Variants in DROSHA observed in about 807,000 individuals in gnomAD.
DROSHA encodes the protein drosha ribonuclease III, also known as ribonuclease 3.
A neutral mutation model predicts 181.9 loss-of-function variants in DROSHA; 56 were observed. That is an observed-to-expected ratio of 0.31 (90% CI 0.25 to 0.38). The LOEUF is 0.38. Among genes scored for constraint, DROSHA ranks in the 10% least tolerant of loss-of-function variants. DROSHA has a pLI of 1.00. For missense variants in DROSHA, 1,218 were observed against 1,743.5 expected (o/e 0.70, Z 5.37); for synonymous variants, 524 against 591.2 (o/e 0.89, Z 1.65).
intron 14 of DROSHA, among the ~76,000 whole-genome samples, chr5:31,486,118 A>G (rs1380268134): frequency 2.6e-5 from 4 of 152,238 alleles, no homozygotes; most frequent in Admixed American, 2.0e-4. Flanking sequence ...TGATCTTGTC[A>G]TTGGAGATAA....
chr5:31,502,025 A>C (rs1753627539), intron 11 of DROSHA, among the ~76,000 whole-genome samples: 1 of 152,270 alleles, frequency 6.6e-6, no homozygotes, highest in Admixed American at 6.5e-5. Flanking sequence ...GGGAATGCCA[A>C]GACATCCCCT....
chr5:31,482,047 A>G (rs1751088007), intron 16 of DROSHA, among the ~76,000 whole-genome samples: 1 of 152,184 alleles, frequency 6.6e-6, no homozygotes, highest in Non-Finnish European at 1.5e-5. Flanking sequence ...CATGAGGGAG[A>G]CAAGGGCTCC....
At chr5:31,446,500 A>G (rs1048267063) in intron 23 of DROSHA, among the ~76,000 whole-genome samples, 3 of 151,494 alleles carry the variant, frequency 2.0e-5, no homozygotes, top group Admixed American at 6.6e-5. Flanking sequence ...AAAGAATAAC[A>G]TACTTCAGAA....
chr5:31,498,794 T>C (rs549287538), intron 11 of DROSHA, among the ~76,000 whole-genome samples: 1 of 151,910 alleles, frequency 6.6e-6, no homozygotes, highest in South Asian at 2.1e-4. Context: ...GAGGTGGAGA[T>C]TGCGGTGAGC....
At position 31,526,583 on chromosome 5, in the gene DROSHA, AAAC is replaced by A; in HGVS notation, c.347_349del (p.Cys116del). On this transcript the variant is annotated inframe_deletion, in exon 5 of 36. Coordinates refer to ENST00000344624, the MANE Select transcript of DROSHA (RefSeq NM_001382508.1). Reference sequence around the variant, plus strand: ...AGGCATTGGTGGTGGCATGGGAGGAAAACAAGGAGGAACTGGGAAGGGGTGCCT... The same window carrying A: ...AGGCATTGGTGGTGGCATGGGAGGAAAAGGAGGAACTGGGAAGGGGTGCCT... The A allele has an allele frequency of 1.3e-6, 2 of 1,525,532 alleles. No homozygotes were observed. The highest frequency in any genetic ancestry group is 1.8e-6 in the Non-Finnish European group (2 of 1,138,726). The allele number at this position is 1,525,532 out of a possible 1,614,324, so 94.5% of individuals were successfully genotyped here.
chr5:31,526,648 G>A lies in DROSHA; in HGVS notation c.285C>T (p.Pro95=). The change falls in exon 5 of 36, where the codon CCC becomes CCT. Residue 95 remains proline (P), a synonymous_variant. Transcript: ENST00000344624. ...MPPSAQGPLP[P]CPIRPPFPNH... is the part of the protein sequence containing the mutation. ...TGGGGAAAGGCGGCCTGATTGGGCAGGGGGGAAGAGGGCCTTGCGCTGACG... is the reference window on the plus strand; with the variant it reads ...TGGGGAAAGGCGGCCTGATTGGGCAAGGGGGAAGAGGGCCTTGCGCTGACG... 6.6e-7 allele frequency: 1 copy of A among 1,520,334 alleles called. No individual in the cohort carries two copies. The highest frequency in any genetic ancestry group is 8.8e-7 in the Non-Finnish European group (1 of 1,136,612). The allele number at this position is 1,520,334 out of a possible 1,614,324, so 94.2% of individuals were successfully genotyped here.
chr5:31,450,742 AG>A (rs1746884622), intron 21 of DROSHA, among the ~76,000 whole-genome samples: 1 of 152,152 alleles, frequency 6.6e-6, no homozygotes, highest in African/African-American at 2.4e-5. Context: ...TACACTACTC[AG>A]GTGACAGGTA....
At chr5:31,402,998 G>C (rs948524755) in intron 35 of DROSHA, among the ~76,000 whole-genome samples, 2 of 152,074 alleles carry the variant, frequency 1.3e-5, no homozygotes, top group Non-Finnish European at 2.9e-5. Flanking sequence ...GGCCAGGCTG[G>C]TCTCAAACTC....
intron 28 of DROSHA, among the ~76,000 whole-genome samples, chr5:31,424,003 T>C (rs1393123346): frequency 6.6e-6 from 1 of 152,234 alleles, no homozygotes; most frequent in Non-Finnish European, 1.5e-5. Context: ...GATTAGATCA[T>C]ACGTTAACAA....
Position 31,526,082 on chromosome 5 carries a change from C to G in DROSHA, c.851G>C (p.Ser284Thr), listed in dbSNP as rs1740511238. 6.3e-7 allele frequency: 1 copy of G among 1,583,552 alleles called. No individual in the cohort carries two copies. Among genetic ancestry groups the G allele is most frequent in the African/African-American group, 1.3e-5 (1 of 74,398 alleles). Residue 284 changes from serine (S) to threonine (T), a missense_variant, in exon 5 of 36, where the codon AGC becomes ACC. By Grantham distance (58) the Ser-to-Thr change is moderately conservative. Coordinates refer to ENST00000344624, the MANE Select transcript of DROSHA (RefSeq NM_001382508.1). ...GAACTACACACAAGCGGTTTACCTG[C>G]TCCGTTCGTAGCTGCGGTGGCGAGA... is the stretch of plus-strand genomic sequence containing the variant. ...TPSRHRSYER[S>T]RERERERHRH...
chr5:31,494,799 C>T (rs1047611962), intron 12 of DROSHA, among the ~76,000 whole-genome samples: 13 of 151,834 alleles, frequency 8.6e-5, no homozygotes, highest in South Asian at 4.2e-4. Context: ...CTCAGCCTCC[C>T]GAGTAGCTGG....
intron 5 of DROSHA, among the ~76,000 whole-genome samples, chr5:31,521,769 A>G (rs2150061019): frequency 6.6e-6 from 1 of 152,300 alleles, no homozygotes; most frequent in East Asian, 1.9e-4. Context: ...CTGGAAAAAA[A>G]ACTAAATAGA....
At chr5:31,471,979 AT>A in intron 17 of DROSHA, 83 bp downstream of exon 17, 1 of 1,346,210 alleles carries the variant, frequency 7.4e-7, no homozygotes, top group Non-Finnish European at 9.8e-7. Flanking sequence ...AACTTTTAAA[AT>A]GTGCTGTTAC....
chr5:31,446,247 C>T (rs976577210), intron 23 of DROSHA, among the ~76,000 whole-genome samples: 1 of 151,552 alleles, frequency 6.6e-6, no homozygotes, highest in Admixed American at 6.6e-5. Context: ...GACATCAAGA[C>T]CACCCTGGTT....
In DROSHA at chr5:31,400,852, G is replaced by A. The variant is rs1291663187; in HGVS notation, c.*580C>T. 6.4e-6 allele frequency: 1 copy of A among 155,454 alleles called. No individual in the cohort carries two copies. The highest frequency in any genetic ancestry group is 1.4e-5 in the Non-Finnish European group (1 of 70,414). 9.6% of individuals were successfully genotyped at this position (155,454 alleles called of 1,614,324 possible). A position where few individuals can be genotyped will look rare whatever the true frequency, so the allele number is the denominator to read the frequency against. On this transcript the variant is annotated 3_prime_UTR_variant, in exon 36 of 36. Coordinates refer to ENST00000344624, the MANE Select transcript of DROSHA (RefSeq NM_001382508.1). ...TTCTAATGATTCAAAGAATCTGTAT[G>A]ACTTGAATATCAGTCTTTCCCCTTC...
intron 17 of DROSHA, among the ~76,000 whole-genome samples, chr5:31,468,532 G>T (rs1695634771): frequency 6.6e-6 from 1 of 152,164 alleles, no homozygotes; most frequent in Non-Finnish European, 1.5e-5. Flanking sequence ...AAGTTAGAAA[G>T]TATAGTGGTG....
intron 11 of DROSHA, among the ~76,000 whole-genome samples, chr5:31,496,691 C>T (rs1753021991): frequency 6.6e-6 from 1 of 152,214 alleles, no homozygotes; most frequent in Non-Finnish European, 1.5e-5. Context: ...ATGCCCACAG[C>T]CCCATCAAGT....
At chr5:31,499,501 T>C (rs1753347455) in intron 11 of DROSHA, among the ~76,000 whole-genome samples, 1 of 152,092 alleles carries the variant, frequency 6.6e-6, no homozygotes, top group African/African-American at 2.4e-5. Flanking sequence ...AACTAAACTT[T>C]AAAGATGGTG....
intron 35 of DROSHA, among the ~76,000 whole-genome samples, chr5:31,403,023 C>T (rs1300743832): frequency 2.0e-5 from 3 of 152,142 alleles, no homozygotes; most frequent in Non-Finnish European, 4.4e-5. Flanking sequence ...CCTCCTGCCT[C>T]GGCCTCCCAA....
Sources: gnomAD v4.1 joint callset for allele counts (sites outside exome capture counted in the v4.1 genomes callset) on GRCh38, gnomAD v4.1.1 for gene constraint, MANE v1.5 for transcripts, NCBI Gene and HGNC (gene_info 2026-07-23, HGNC 2026-07-21) for gene names.